PSD3: variants seen among roughly 807,000 people sequenced by gnomAD.
PSD3 encodes the protein PH and SEC7 domain-containing protein 3.
PSD3 carries 49 observed loss-of-function variants against 105.5 expected under a neutral mutation model. The observed-to-expected ratio is 0.46, with a 90% CI of 0.37 to 0.59. The LOEUF is 0.59. Ranked by LOEUF, PSD3 falls within the 20% of genes least tolerant of loss-of-function variation. The probability of loss-of-function intolerance (pLI) is 0.00; values close to 1 mark genes in which losing one functional copy is unlikely to be tolerated. For missense variants in PSD3, 1,561 were observed against 1,263.8 expected (o/e 1.24, Z -3.57); for synonymous variants, 557 against 457.8 (o/e 1.22, Z -2.77).
intron 8 of PSD3, among the ~76,000 whole-genome samples, chr8:18,790,521 C>T (rs917917865): frequency 2.0e-5 from 3 of 152,016 alleles, no homozygotes; most frequent in South Asian, 2.1e-4. Flanking sequence ...CCAGGATGGT[C>T]TCTATCTCCT....
intron 4 of PSD3, among the ~76,000 whole-genome samples, chr8:18,836,082 T>A: frequency 6.6e-6 from 1 of 152,264 alleles, no homozygotes; most frequent in East Asian, 1.9e-4. Flanking sequence ...ATTTTGAAGG[T>A]AGAGCTGACC....
chr8:18,579,492 C>A (rs1273608941), intron 12 of PSD3, among the ~76,000 whole-genome samples: 2 of 152,130 alleles, frequency 1.3e-5, no homozygotes, highest in Admixed American at 6.6e-5. Flanking sequence ...GTGTTCCCTG[C>A]AATCTACATC....
At chr8:19,048,975 G>C (rs1828420966) in intron 1 of PSD3, among the ~76,000 whole-genome samples, 1 of 152,112 alleles carries the variant, frequency 6.6e-6, no homozygotes, top group Admixed American at 6.5e-5. Context: ...TCCTCACAGG[G>C]TCACCCCTCA....
intron 9 of PSD3, among the ~76,000 whole-genome samples, chr8:18,707,038 T>C (rs917344197): frequency 1.3e-5 from 2 of 152,248 alleles, no homozygotes; most frequent in African/African-American, 4.8e-5. Flanking sequence ...CAATGCAATC[T>C]TGACTACTTC....
At chr8:18,587,323 C>A (rs947120202) in intron 12 of PSD3, among the ~76,000 whole-genome samples, 8 of 152,100 alleles carry the variant, frequency 5.3e-5, no homozygotes, top group Admixed American at 5.2e-4. Flanking sequence ...GCTTGAAATT[C>A]CTTGAGGGAA....
intron 2 of PSD3, among the ~76,000 whole-genome samples, chr8:18,873,429 T>C (rs1454830507): frequency 6.6e-6 from 1 of 151,456 alleles, no homozygotes; most frequent in Non-Finnish European, 1.5e-5. Context: ...AAAGTTTGTT[T>C]ATATATCTAG....
chr8:18,935,462 G>T (rs1822048479), intron 2 of PSD3, among the ~76,000 whole-genome samples: 1 of 150,880 alleles, frequency 6.6e-6, no homozygotes, highest in African/African-American at 2.4e-5. Context: ...GATGGCTTGA[G>T]GCCAGGAGTT....
chr8:18,821,716 C>CACACACACAA (rs1812732581), intron 4 of PSD3, among the ~76,000 whole-genome samples: 1 of 143,280 alleles, frequency 7.0e-6, no homozygotes, highest in Non-Finnish European at 1.5e-5. Flanking sequence ...CACACACACA[C>CACACACACAA]ACCCCAATAA....
Position 18,543,347 on chromosome 8 carries a change from A to C in PSD3, c.2929-7389T>G, listed in dbSNP as rs7009553. Among the ~76,000 whole-genome samples the C allele has an allele frequency of 5.3e-5, 8 of 152,058 alleles. No individual in the cohort carries two copies. In the South Asian group the frequency reaches 1.0e-3, roughly 20 times the overall value. On this transcript the variant is annotated intron_variant, in intron 15 of 15. Coordinates refer to ENST00000327040, the MANE Select transcript of PSD3 (RefSeq NM_015310.4). Reference sequence around the variant, plus strand: ...TTCCCAAATATGGCCAGGCGCGGTGACTCACACCTGTAATCCCAGCACTTT... The same window carrying C: ...TTCCCAAATATGGCCAGGCGCGGTGCCTCACACCTGTAATCCCAGCACTTT...
chr8:18,978,019 T>C (rs1162891884), intron 1 of PSD3, among the ~76,000 whole-genome samples: 1 of 152,196 alleles, frequency 6.6e-6, no homozygotes, highest in Non-Finnish European at 1.5e-5. Flanking sequence ...ATCATGACGC[T>C]AGCAAGGAAA....
chr8:18,882,008 G>A (rs563396164), intron 2 of PSD3, among the ~76,000 whole-genome samples: 1 of 152,260 alleles, frequency 6.6e-6, no homozygotes, highest in Admixed American at 6.5e-5. Flanking sequence ...AGGAGTTCAA[G>A]ACCATCCTGG....
Position 18,572,411 on chromosome 8 carries a change from C to A in PSD3, c.2784+117G>T, listed in dbSNP as rs569340924. 8 of 1,261,978 alleles carry A rather than the reference C, an allele frequency of 6.3e-6. No individual in the cohort carries two copies. The South Asian group carries it at 1.2e-4, about 18-fold the overall frequency. The allele number at this position is 1,261,978 out of a possible 1,614,324, so 78.2% of individuals were successfully genotyped here. ...GCCTCATTTATATGATACGCTCTCA[C>A]AGGGCAAGGTCTCACACCTGCCCCC... On this transcript the variant is annotated intron_variant, in intron 14 of 15. Coordinates refer to ENST00000327040, the MANE Select transcript of PSD3 (RefSeq NM_015310.4).
At chr8:18,712,449 C>T (rs143789637) in intron 9 of PSD3, among the ~76,000 whole-genome samples, 2 of 152,174 alleles carry the variant, frequency 1.3e-5, no homozygotes, top group African/African-American at 4.8e-5. Context: ...TCATCCCTGA[C>T]CCCACAGAAA....
chr8:19,080,487 T>A (rs1829608505), intron 1 of PSD3, among the ~76,000 whole-genome samples: 1 of 152,230 alleles, frequency 6.6e-6, no homozygotes, highest in South Asian at 2.1e-4. Flanking sequence ...AGACAGAGAA[T>A]TCACACTATT....
At chr8:18,774,965 A>T in intron 8 of PSD3, 1 of 456,150 alleles carries the variant, frequency 2.2e-6, no homozygotes, top group Non-Finnish European at 4.4e-6. Flanking sequence ...GGGAAAGAGA[A>T]AAGTGCCCAT....
chr8:18,749,045 C>A (rs925722157), intron 9 of PSD3, among the ~76,000 whole-genome samples: 25 of 152,220 alleles, frequency 1.6e-4, no homozygotes, highest in African/African-American at 5.5e-4. Context: ...ACAATCACAC[C>A]ACACAACTGT....
intron 11 of PSD3, among the ~76,000 whole-genome samples, chr8:18,619,104 AG>A (rs1259794490): frequency 6.6e-6 from 1 of 152,084 alleles, no homozygotes; most frequent in African/African-American, 2.4e-5. Flanking sequence ...TCAAATTCTT[AG>A]GTCTATCTAG....
chr8:19,004,657 A>G (rs1407326057), intron 1 of PSD3, among the ~76,000 whole-genome samples: 1 of 152,146 alleles, frequency 6.6e-6, no homozygotes, highest in East Asian at 1.9e-4. Context: ...AAGAAAATAT[A>G]CAGATGGCCA....
chr8:18,781,365 C>T (rs1808605675), intron 8 of PSD3, among the ~76,000 whole-genome samples: 2 of 152,184 alleles, frequency 1.3e-5, no homozygotes, highest in South Asian at 2.1e-4. Flanking sequence ...GGAGTAAAGG[C>T]ACAGGGATCC....
Sources: allele counts gnomAD v4.1 joint callset (sites outside exome capture counted in the v4.1 genomes callset), GRCh38; gene constraint gnomAD v4.1.1; transcripts MANE v1.5; gene names NCBI Gene and HGNC (gene_info 2026-07-23, HGNC 2026-07-21).